Variants in IMPG2 observed in about 807,000 individuals in gnomAD.
IMPG2 encodes IPM 200.
Under a neutral mutation model 129.2 loss-of-function variants are expected in IMPG2, and 91 were observed. That is an observed-to-expected ratio of 0.70 (90% CI 0.59 to 0.84). The LOEUF (loss-of-function observed/expected upper bound fraction) is 0.84. IMPG2 is among the 40% of genes least tolerant of loss of function. IMPG2 has a pLI of 0.00. For synonymous variants in IMPG2, 510 were observed against 517.7 expected (o/e 0.99, Z 0.20); for missense variants, 1,430 against 1,461.7 (o/e 0.98, Z 0.35).
At chr3:101,300,246 C>A (rs1707125978) in intron 3 of IMPG2, among the ~76,000 whole-genome samples, 1 of 152,254 alleles carries the variant, frequency 6.6e-6, no homozygotes, top group African/African-American at 2.4e-5. Context: ...GTCCAGCCTC[C>A]CTGGCTCCAG....
At chr3:101,281,757 G>A (rs1333791368) in intron 4 of IMPG2, among the ~76,000 whole-genome samples, 1 of 152,166 alleles carries the variant, frequency 6.6e-6, no homozygotes, top group East Asian at 1.9e-4. Context: ...CTTTCATGTG[G>A]AAGAGAGAGA....
chr3:101,233,123 C>T (rs978907768), intron 14 of IMPG2, 132 bp from the exon 15 acceptor site: 8 of 778,842 alleles, frequency 1.0e-5, no homozygotes, highest in Non-Finnish European at 1.5e-5. Flanking sequence ...AGTACACCAT[C>T]GCCACCAATA....
chr3:101,232,877 T>C lies in IMPG2; in HGVS notation c.3137A>G (p.Glu1046Gly). The C allele has an allele frequency of 6.2e-7, 1 of 1,613,852 alleles. No homozygotes were observed. ...ACAGAGACTCTGACAGGGCCGTTCT[T>C]CCACACTCAGGTATCCAGGGAAGCA... ...CRCFPGYLSV[E>G]ERPCQSLCDL... The change falls in exon 15 of 19, where the codon GAA becomes GGA. Residue 1046 changes from glutamate to glycine, a missense_variant. Transcript: ENST00000193391.
At chr3:101,236,647 T>C (rs1038804999) in intron 14 of IMPG2, among the ~76,000 whole-genome samples, 1 of 152,012 alleles carries the variant, frequency 6.6e-6, no homozygotes, top group African/African-American at 2.4e-5. Flanking sequence ...GACTGTGCCA[T>C]GAGGAACAGT....
In IMPG2 at chr3:101,260,821, A is replaced by G. The variant is rs112108494; in HGVS notation, c.909-3048T>C. ...TCTCCTCACCAACTATACAGGCACA[A>G]TTACTTTTTGGCTCTATGTCCCCAG... On this transcript the variant is annotated intron_variant, in intron 9 of 18. Transcript: ENST00000193391. Among the ~76,000 whole-genome samples, 352 of 152,254 alleles carry G rather than the reference A, an allele frequency of 2.3e-3. 1 individual carries two copies. The highest frequency in any genetic ancestry group is 8.2e-3 in the African/African-American group (340 of 41,564).
chr3:101,283,289 T>G (rs1297253134), intron 4 of IMPG2, among the ~76,000 whole-genome samples: 2 of 152,174 alleles, frequency 1.3e-5, no homozygotes, highest in African/African-American at 4.8e-5. Context: ...CCTCCCAAAG[T>G]GCTGGGATTA....
At chr3:101,290,480 G>A (rs554095053) in intron 4 of IMPG2, among the ~76,000 whole-genome samples, 95 of 152,214 alleles carry the variant, frequency 6.2e-4, no homozygotes, top group African/African-American at 2.2e-3. Context: ...CTGCACTCCA[G>A]CCTGGGCGAC....
Position 101,226,869 on chromosome 3 carries a change from T to C in IMPG2, c.*100A>G, listed in dbSNP as rs574476880. 27 of 1,288,374 alleles carry C rather than the reference T, an allele frequency of 2.1e-5. No individual in the cohort carries two copies. In the South Asian group the frequency reaches 3.4e-4, roughly 16 times the overall value. 79.8% of individuals were successfully genotyped at this position (1,288,374 alleles called of 1,614,324 possible). On this transcript the variant is annotated 3_prime_UTR_variant, in exon 19 of 19. Transcript: ENST00000193391. ...TTAATTTTTTCATAGAAAACTCTTC[T>C]TCCAACAGTGTTTAAAATCCAGGTT...
intron 3 of IMPG2, 25 bp downstream of exon 3, chr3:101,304,121 T>C: frequency 4.3e-6 from 7 of 1,612,382 alleles, no homozygotes; most frequent in Non-Finnish European, 5.9e-6. Flanking sequence ...AGTCCAGGAA[T>C]CCCTTCCTTT....
Position 101,244,115 on chromosome 3 carries a change from G to A in IMPG2, c.2216C>T (p.Ala739Val). Reference protein sequence around the residue: ...ISASTDKSDQADAILREDMEQ... With the variant: ...ISASTDKSDQVDAILREDMEQ... ...CATATCCTCCCTTAGGATGGCATCT[G>A]CCTGATCTGATTTATCAGTAGAGGC... The change falls in exon 13 of 19, where the codon GCA becomes GTA. Residue 739 changes from alanine (A) to valine (V), a missense_variant. Coordinates refer to ENST00000193391, the MANE Select transcript of IMPG2 (RefSeq NM_016247.4). The A allele has an allele frequency of 1.2e-6, 2 of 1,614,046 alleles. No individual in the cohort carries two copies. The highest frequency in any genetic ancestry group is 2.2e-5 in the South Asian group (2 of 91,082).
At chr3:101,257,881 A>C (rs1415452854) in intron 9 of IMPG2, 108 bp from the exon 10 acceptor site, 1 of 1,264,260 alleles carries the variant, frequency 7.9e-7, no homozygotes, top group Non-Finnish European at 1.1e-6. Context: ...AGTCTCAAAG[A>C]GCATGGATTC....
At chr3:101,275,267 G>A (rs141649675) in intron 6 of IMPG2, among the ~76,000 whole-genome samples, 23 of 152,206 alleles carry the variant, frequency 1.5e-4, no homozygotes, top group African/African-American at 5.3e-4. Context: ...CATTCACAAT[G>A]CATGGTACTT....
chr3:101,262,369 G>GAA (rs1290568461), intron 9 of IMPG2, among the ~76,000 whole-genome samples: 3 of 151,934 alleles, frequency 2.0e-5, no homozygotes, highest in East Asian at 3.9e-4. Context: ...GAGAGAGAGA[G>GAA]AAACGGTATG....
chr3:101,224,232 C>T lies in IMPG2; in HGVS notation c.*2737G>A, dbSNP rs571217447. On this transcript the variant is annotated 3_prime_UTR_variant, in exon 19 of 19. Coordinates refer to ENST00000193391, the MANE Select transcript of IMPG2 (RefSeq NM_016247.4). ...CCATTGCAATGGTGAAAATGGAGCCCTATTTATCAAATAAATTCCCCTTTA... is the reference window on the plus strand; with the variant it reads ...CCATTGCAATGGTGAAAATGGAGCCTTATTTATCAAATAAATTCCCCTTTA... The T allele has an allele frequency of 6.6e-6, 1 of 152,160 alleles. No individual in the cohort carries two copies. The highest frequency in any genetic ancestry group is 2.4e-5 in the African/African-American group (1 of 41,526). 9.4% of individuals were successfully genotyped at this position (152,160 alleles called of 1,614,324 possible). A position where few individuals can be genotyped will look rare whatever the true frequency, so the allele number is the denominator to read the frequency against.
At chr3:101,277,927 CT>C (rs1479290294) in intron 4 of IMPG2, among the ~76,000 whole-genome samples, 2 of 152,172 alleles carry the variant, frequency 1.3e-5, no homozygotes, top group Non-Finnish European at 2.9e-5. Context: ...CTGTTTTCAA[CT>C]CATAGCAATT....
chr3:101,262,423 A>C (rs1162439583), intron 9 of IMPG2, among the ~76,000 whole-genome samples: 4 of 152,116 alleles, frequency 2.6e-5, no homozygotes, highest in African/African-American at 9.6e-5. Flanking sequence ...ATTCATTTAT[A>C]CACAGCTCAG....
Position 101,269,513 on chromosome 3 carries a change from A to G in IMPG2, c.887+2T>C. On this transcript the variant is annotated splice_donor_variant, in intron 8 of 18. Transcript: ENST00000193391. LOFTEE classifies it high-confidence loss of function. ...TGTGCATATTTAGATAAGTCTATTT[A>G]CCTAAATTCAAGTACACGAATTTCC... is the stretch of plus-strand genomic sequence containing the variant. 1 of 1,540,404 alleles carries G rather than the reference A, an allele frequency of 6.5e-7. No homozygotes were observed. Among genetic ancestry groups the G allele is most frequent in the Non-Finnish European group, 9.0e-7 (1 of 1,113,088 alleles).
chr3:101,259,554 C>A lies in IMPG2; in HGVS notation c.909-1781G>T, dbSNP rs183855497. 2.0e-5 allele frequency among the ~76,000 whole-genome samples: 3 copies of A among 150,368 alleles called. No individual in the cohort carries two copies. The East Asian group carries it at 5.9e-4, about 29-fold the overall frequency. On this transcript the variant is annotated intron_variant, in intron 9 of 18. Transcript: ENST00000193391. ...GCTTGGTACCTAGCACAGAGAGGTA[C>A]CCAGTGCCTACTAGATGAACAGAAA...
intron 8 of IMPG2, among the ~76,000 whole-genome samples, chr3:101,267,834 G>A (rs1215357060): frequency 7.2e-6 from 1 of 139,406 alleles, no homozygotes; most frequent in Non-Finnish European, 1.6e-5. Context: ...TCCAGTTGTT[G>A]GCTTTAACAA....
Sources: allele counts gnomAD v4.1 joint callset (sites outside exome capture counted in the v4.1 genomes callset), GRCh38; gene constraint gnomAD v4.1.1; transcripts MANE v1.5; gene names NCBI Gene and HGNC (gene_info 2026-07-23, HGNC 2026-07-21).